KHDRBS2: variants seen among roughly 807,000 people sequenced by gnomAD.
The protein encoded by KHDRBS2 is KH RNA binding domain containing, signal transduction associated 2.
Under a neutral mutation model 44.3 loss-of-function variants are expected in KHDRBS2, and 26 were observed. The observed-to-expected ratio is 0.59, with a 90% CI of 0.43 to 0.81. The LOEUF (loss-of-function observed/expected upper bound fraction) is 0.81. Among genes scored for constraint, KHDRBS2 ranks in the 40% least tolerant of loss-of-function variants. The pLI is 0.00. For synonymous variants in KHDRBS2, 194 were observed against 151.1 expected (o/e 1.28, Z -2.08); for missense variants, 476 against 433.1 (o/e 1.10, Z -0.88).
the KHDRBS2 span, among the ~76,000 whole-genome samples, chr6:61,595,991 T>C: frequency 6.6e-6 from 1 of 152,126 alleles, no homozygotes. Flanking sequence ...CGAGGATGGC[T>C]GTGAAAGGCA....
At chr6:61,722,437 C>A (rs1772779841) in intron 7 of KHDRBS2, among the ~76,000 whole-genome samples, 5 of 152,238 alleles carry the variant, frequency 3.3e-5, no homozygotes, top group Admixed American at 2.6e-4. Context: ...CCTCTAGAAT[C>A]TCTACTGAGG....
intron 2 of KHDRBS2, among the ~76,000 whole-genome samples, chr6:62,086,543 A>C (rs1798408443): frequency 6.6e-6 from 1 of 152,152 alleles, no homozygotes; most frequent in South Asian, 2.1e-4. Flanking sequence ...CATAAATACA[A>C]ACTGAGCAAC....
intron 6 of KHDRBS2, among the ~76,000 whole-genome samples, chr6:61,757,231 T>C (rs892099454): frequency 2.6e-5 from 4 of 152,164 alleles, no homozygotes; most frequent in Admixed American, 2.0e-4. Flanking sequence ...ATTTTCTGTA[T>C]ACCTGCTCTC....
intron 4 of KHDRBS2, among the ~76,000 whole-genome samples, chr6:61,957,524 T>A (rs564508259): frequency 6.6e-6 from 1 of 152,184 alleles, no homozygotes; most frequent in Admixed American, 6.5e-5. Flanking sequence ...GGCTGTCTTT[T>A]ACGGTCATAG....
At chr6:61,643,588 T>A in the KHDRBS2 span, among the ~76,000 whole-genome samples, 1 of 152,102 alleles carries the variant, frequency 6.6e-6, no homozygotes, top group African/African-American at 2.4e-5. Flanking sequence ...ATCTCCTTGA[T>A]CTGAAAAACA....
chr6:62,170,593 G>A (rs73760314), intron 2 of KHDRBS2, among the ~76,000 whole-genome samples: 119 of 152,188 alleles, frequency 7.8e-4, no homozygotes, highest in African/African-American at 2.8e-3. Flanking sequence ...ATTTTGCCAG[G>A]ATATCCCAGC....
the KHDRBS2 span, among the ~76,000 whole-genome samples, chr6:61,659,479 CTTGCACTGCTG>C: frequency 1.3e-5 from 2 of 151,784 alleles, no homozygotes; most frequent in South Asian, 4.1e-4. Flanking sequence ...AATGTTCTGC[CTTGCACTGCTG>C]TTTTTAGGGT....
chr6:62,058,924 T>C (rs1302106748), intron 2 of KHDRBS2, among the ~76,000 whole-genome samples: 2 of 151,674 alleles, frequency 1.3e-5, no homozygotes, highest in African/African-American at 2.4e-5. Flanking sequence ...TTGTATAAAA[T>C]AAAATATGTA....
chr6:62,132,479 A>G (rs567526205), intron 2 of KHDRBS2, among the ~76,000 whole-genome samples: 1 of 152,304 alleles, frequency 6.6e-6, no homozygotes, highest in South Asian at 2.1e-4. Context: ...TTGTCTCGTT[A>G]CAAGCCCTCT....
chr6:62,266,249 C>A (rs1470986120), intron 1 of KHDRBS2, among the ~76,000 whole-genome samples: 1 of 152,048 alleles, frequency 6.6e-6, no homozygotes, highest in African/African-American at 2.4e-5. Context: ...CTTCCCTTAT[C>A]CTTTTGGCTT....
At chr6:62,125,714 G>C (rs745598814) in intron 2 of KHDRBS2, among the ~76,000 whole-genome samples, 5 of 152,126 alleles carry the variant, frequency 3.3e-5, no homozygotes, top group Non-Finnish European at 7.4e-5. Context: ...ACCAGCTCTT[G>C]GATGTCATTT....
chr6:61,592,259 G>A, the KHDRBS2 span, among the ~76,000 whole-genome samples: 18 of 151,396 alleles, frequency 1.2e-4, no homozygotes, highest in African/African-American at 4.1e-4. Flanking sequence ...GCACACGTGT[G>A]CATGGAAGTC....
chr6:61,875,730 C>T (rs530758305), intron 6 of KHDRBS2, among the ~76,000 whole-genome samples: 2 of 152,162 alleles, frequency 1.3e-5, no homozygotes, highest in Admixed American at 1.3e-4. Flanking sequence ...TTTTCACCTT[C>T]TGATGCTAAT....
the KHDRBS2 span, among the ~76,000 whole-genome samples, chr6:61,549,190 T>C: frequency 6.6e-6 from 1 of 152,034 alleles, no homozygotes; most frequent in African/African-American, 2.4e-5. Context: ...GGAAAAACCA[T>C]AAAGTATGAG....
chr6:62,223,653 C>T lies in KHDRBS2; in HGVS notation c.92-46341G>A, dbSNP rs1585279527. ...AATGCTTTTAACAGCACCCAAGTCA[C>T]ATCTTGAATGCTTTGCTGCTTAGAA... is the stretch of plus-strand genomic sequence containing the variant. On this transcript the variant is annotated intron_variant, in intron 1 of 8. Transcript: ENST00000281156. 3.9e-5 allele frequency among the ~76,000 whole-genome samples: 6 copies of T among 152,182 alleles called. No homozygotes were observed. In the South Asian group the frequency reaches 1.2e-3, roughly 31 times the overall value.
At chr6:61,674,750 T>C in the KHDRBS2 span, among the ~76,000 whole-genome samples, 1 of 151,786 alleles carries the variant, frequency 6.6e-6, no homozygotes, top group Admixed American at 6.6e-5. Context: ...GGCCTTTTGA[T>C]ACTGAAACTT....
intron 6 of KHDRBS2, among the ~76,000 whole-genome samples, chr6:61,893,258 G>A (rs1276267511): frequency 6.6e-6 from 1 of 152,190 alleles, no homozygotes; most frequent in Non-Finnish European, 1.5e-5. Context: ...AACAGGTGCT[G>A]GAGAGGATGT....
At chr6:61,806,898 G>A (rs1451136119) in intron 6 of KHDRBS2, among the ~76,000 whole-genome samples, 1 of 151,880 alleles carries the variant, frequency 6.6e-6, no homozygotes, top group Non-Finnish European at 1.5e-5. Context: ...TACATTGTGT[G>A]GTAGCTAAAT....
At chr6:62,204,463 T>C (rs1432535732) in intron 1 of KHDRBS2, among the ~76,000 whole-genome samples, 2 of 152,134 alleles carry the variant, frequency 1.3e-5, no homozygotes, top group Non-Finnish European at 2.9e-5. Context: ...CTTTTTCGGT[T>C]TAGAAATATT....
Sources: allele counts gnomAD v4.1 joint callset (sites outside exome capture counted in the v4.1 genomes callset), GRCh38; gene constraint gnomAD v4.1.1; transcripts MANE v1.5; gene names NCBI Gene and HGNC (gene_info 2026-07-23, HGNC 2026-07-21).